CLTCL1: variants seen among roughly 807,000 people sequenced by gnomAD.
The protein encoded by CLTCL1 is clathrin heavy chain like 1.
Under a neutral mutation model 190.0 loss-of-function variants are expected in CLTCL1, and 159 were observed. The observed-to-expected ratio is 0.84, with a 90% CI of 0.74 to 0.95. The LOEUF (loss-of-function observed/expected upper bound fraction) is 0.95. Among genes scored for constraint, CLTCL1 ranks in the 40% least tolerant of loss-of-function variants. CLTCL1 has a pLI of 0.00. For synonymous variants in CLTCL1, 752 were observed against 769.6 expected (o/e 0.98, Z 0.38); for missense variants, 1,878 against 2,033.4 (o/e 0.92, Z 1.47).
chr22:19,184,618 G>A (rs1325309970), intron 29 of CLTCL1: 4 of 453,314 alleles, frequency 8.8e-6, no homozygotes, highest in South Asian at 1.6e-5. Flanking sequence ...TGTGACGCCC[G>A]CTCATCTGTC....
At chr22:19,202,196 T>C (rs2854643) in intron 22 of CLTCL1, among the ~76,000 whole-genome samples, 113,737 of 151,908 alleles carry the variant, frequency 0.75, 43,767 homozygotes, top group East Asian at 0.94. Context: ...TGGCATTCAC[T>C]CTTGACTCTC....
Position 19,291,677 on chromosome 22 carries a change from G to T in CLTCL1, c.-36C>A, listed in dbSNP as rs782760603. 2 of 1,348,852 alleles carry T rather than the reference G, an allele frequency of 1.5e-6. No individual in the cohort carries two copies. Among genetic ancestry groups the T allele is most frequent in the African/African-American group, 1.5e-5 (1 of 65,102 alleles). 83.6% of individuals were successfully genotyped at this position (1,348,852 alleles called of 1,614,324 possible). On this transcript the variant is annotated 5_prime_UTR_variant, in exon 1 of 33. Coordinates refer to ENST00000427926, the MANE Select transcript of CLTCL1 (RefSeq NM_007098.4). ...GGACCTCGGCGGCGGCGGCGGCAGC[G>T]GCAGGAATGAACGCCGACCCCTCGC...
intron 16 of CLTCL1, 106 bp downstream of exon 16, chr22:19,221,845 G>A (rs1010283752): frequency 7.8e-7 from 1 of 1,281,792 alleles, no homozygotes; most frequent in Non-Finnish European, 1.1e-6. Flanking sequence ...TCTAAGATGT[G>A]TACATGAACG....
intron 29 of CLTCL1, among the ~76,000 whole-genome samples, chr22:19,185,326 C>CTT (rs58151537): frequency 2.2e-3 from 321 of 143,864 alleles, no homozygotes; most frequent in Non-Finnish European, 2.4e-3. Flanking sequence ...CGGCCACTTT[C>CTT]TTTTTTTTTT....
At chr22:19,265,837 T>C (rs1555977702) in intron 2 of CLTCL1, among the ~76,000 whole-genome samples, 3 of 152,122 alleles carry the variant, frequency 2.0e-5, no homozygotes, top group Admixed American at 6.6e-5. Flanking sequence ...TTGCCAGAAG[T>C]AGGGTTTTTC....
At position 19,290,317 on chromosome 22, in the gene CLTCL1, A is replaced by G. The variant is rs546817958; in HGVS notation, c.42+1283T>C. Among the ~76,000 whole-genome samples the G allele has an allele frequency of 7.9e-5, 12 of 152,360 alleles. No homozygotes were observed. The South Asian group carries it at 2.5e-3, about 32-fold the overall frequency. On this transcript the variant is annotated intron_variant, in intron 1 of 32. Transcript: ENST00000427926. The stretch of plus-strand genomic sequence containing the variant: ...TAACCTCAGTGACCCATGGTAGAAA[A>G]CAGGATATCACTATCTGCCTCAGTT...
chr22:19,235,670 G>T, intron 6 of CLTCL1, 26 bp downstream of exon 6: 2 of 1,599,358 alleles, frequency 1.3e-6, no homozygotes, highest in Admixed American at 1.7e-5. Context: ...GGAAAAGGTA[G>T]AAAATGAAAT....
intron 3 of CLTCL1, among the ~76,000 whole-genome samples, chr22:19,249,283 C>T (rs1464934636): frequency 3.3e-5 from 5 of 151,936 alleles, no homozygotes; most frequent in South Asian, 2.1e-4. Context: ...TGCTTGAACC[C>T]GGGAGGTGGA....
intron 22 of CLTCL1, 70 bp downstream of exon 22, chr22:19,208,084 G>A: frequency 1.3e-6 from 2 of 1,587,914 alleles, no homozygotes; most frequent in East Asian, 2.2e-5. Flanking sequence ...GCTCGGGACT[G>A]CTGCTCTGAG....
rs2085951470 is a variant in CLTCL1 at position 19,232,602 on chromosome 22, G to GA, written c.1522-5dup. On this transcript the variant is annotated splice_polypyrimidine_tract_variant and splice_region_variant and intron_variant, in intron 9 of 32. Transcript: ENST00000427926. ...TCCAGTCTGGGGTGTACCCAACCTAGAAGCAAGGGAGCACCAATCAGGAAA... is the reference window on the plus strand; with the variant it reads ...TCCAGTCTGGGGTGTACCCAACCTAGAAAGCAAGGGAGCACCAATCAGGAAA... 6.2e-7 allele frequency: 1 copy of GA among 1,609,916 alleles called. No individual in the cohort carries two copies. The highest frequency in any genetic ancestry group is 1.3e-5 in the African/African-American group (1 of 74,838).
At chr22:19,232,167 T>G (rs1338104930) in intron 10 of CLTCL1, among the ~76,000 whole-genome samples, 2 of 152,068 alleles carry the variant, frequency 1.3e-5, no homozygotes. Context: ...AATGATGTAG[T>G]AACTGGGGTG....
intron 4 of CLTCL1, among the ~76,000 whole-genome samples, chr22:19,241,008 C>T (rs933404624): frequency 1.3e-5 from 2 of 152,186 alleles, no homozygotes; most frequent in African/African-American, 2.4e-5. Flanking sequence ...ACAGGCGGGG[C>T]GGGCACCCTC....
rs1293018056 is a variant in CLTCL1 at position 19,208,946 on chromosome 22, C to T, written c.3418G>A (p.Val1140Ile). The T allele has an allele frequency of 1.9e-6, 3 of 1,610,056 alleles. No homozygotes were observed. Among genetic ancestry groups the T allele is most frequent in the Non-Finnish European group, 2.5e-6 (3 of 1,178,214 alleles). ...CTGCTCCTGCTGGCTGACTGAACAA[C>T]TTCCAGGTAAGAGGAAGGGTCGTCC... ...RGDDPSSYLE[V>I]VQSASRSNNW... Residue 1140 changes from valine (V) to isoleucine (I), a missense_variant, in exon 21 of 33, where the codon GTT (valine) becomes ATT (isoleucine). Transcript: ENST00000427926.
chr22:19,248,931 G>A (rs1203624597), intron 3 of CLTCL1, among the ~76,000 whole-genome samples: 1 of 152,140 alleles, frequency 6.6e-6, no homozygotes, highest in Non-Finnish European at 1.5e-5. Flanking sequence ...ATGAGACAGA[G>A]GTCCCATTTA....
chr22:19,240,582 G>T (rs1451275803), intron 4 of CLTCL1, among the ~76,000 whole-genome samples: 1 of 152,192 alleles, frequency 6.6e-6, no homozygotes, highest in African/African-American at 2.4e-5. Context: ...CTTGCACTGG[G>T]AGCTTTAAGG....
intron 10 of CLTCL1, 70 bp downstream of exon 10, chr22:19,232,406 A>G (rs2085943254): frequency 3.1e-6 from 5 of 1,595,372 alleles, no homozygotes; most frequent in Non-Finnish European, 4.3e-6. Context: ...TTAACAGGAA[A>G]CGAATCAAAG....
chr22:19,287,492 T>TG (rs2087949148), intron 1 of CLTCL1, among the ~76,000 whole-genome samples: 3 of 152,098 alleles, frequency 2.0e-5, no homozygotes, highest in Non-Finnish European at 4.4e-5. Flanking sequence ...AAAGAGCACG[T>TG]GGGGATCAGT....
At chr22:19,222,952 C>T (rs781999644) in intron 14 of CLTCL1, 143 bp from the exon 15 acceptor site, 1 of 987,752 alleles carries the variant, frequency 1.0e-6, no homozygotes, top group African/African-American at 1.6e-5. Flanking sequence ...TCTAAATAGG[C>T]TGTCGTTTTG....
chr22:19,246,887 T>C (rs1220701009), intron 3 of CLTCL1, among the ~76,000 whole-genome samples: 2 of 152,218 alleles, frequency 1.3e-5, no homozygotes, highest in African/African-American at 4.8e-5. Context: ...GTTCTTTGTA[T>C]ATCTGGATAC....
Sources: allele counts gnomAD v4.1 joint callset (sites outside exome capture counted in the v4.1 genomes callset), GRCh38; gene constraint gnomAD v4.1.1; transcripts MANE v1.5; gene names NCBI Gene and HGNC (gene_info 2026-07-23, HGNC 2026-07-21).